The following POMGNT1 variants were observed in gnomAD, a reference collection of about 807,000 sequenced individuals.
The protein encoded by POMGNT1 is protein O-linked-mannose beta-1,2-N-acetylglucosaminyltransferase 1.
POMGNT1 carries 67 observed loss-of-function variants against 95.6 expected under a neutral mutation model. The ratio of observed to expected loss-of-function variants is 0.70; its 90% CI spans 0.58 to 0.86. POMGNT1 has a LOEUF of 0.86. Among genes scored for constraint, POMGNT1 ranks in the 40% least tolerant of loss-of-function variants. POMGNT1 has a pLI of 0.00. For missense variants in POMGNT1, 719 were observed against 855.2 expected, an observed-to-expected ratio of 0.84 and a Z score of 1.99; for synonymous variants, 298 against 317.9, an observed-to-expected ratio of 0.94 and a Z score of 0.66.
rs145638950 is a variant in POMGNT1 at position 46,219,917 on chromosome 1, G to A, written c.-263C>T. The A allele has an allele frequency of 8.1e-6, 13 of 1,614,182 alleles. No homozygotes were observed. In the East Asian group the frequency reaches 2.2e-4, roughly 28 times the overall value. Reference sequence around the variant, plus strand: ...CAGACACCAGCACCACCGACCGGCTGGACAGTGTCTCTATTGGCAGCTTCC... The same window carrying A: ...CAGACACCAGCACCACCGACCGGCTAGACAGTGTCTCTATTGGCAGCTTCC... On this transcript the variant is annotated 5_prime_UTR_variant, in exon 1 of 23. Coordinates refer to the POMGNT1 transcript ENST00000371992.
chr1:46,203,653 A>C, intron 1 of POMGNT1: 3 of 1,590,402 alleles, frequency 1.9e-6, no homozygotes, highest in Non-Finnish European at 8.5e-7. Context: ...GGCCAAGGGG[A>C]CGAGTCCCTA....
chr1:46,212,139 T>A (rs1371368050), intron 1 of POMGNT1, among the ~76,000 whole-genome samples: 1 of 152,204 alleles, frequency 6.6e-6, no homozygotes, highest in African/African-American at 2.4e-5. Context: ...CCTGAATAAT[T>A]CAATAAACAT....
At chr1:46,203,424 C>T (rs571957976), upstream of POMGNT1, 5 of 1,454,798 alleles carry the variant, frequency 3.4e-6, no homozygotes, top group Non-Finnish European at 4.5e-6. Flanking sequence ...GGCTTGGGCC[C>T]GCATGGAGGG....
rs1252094599 is a variant in POMGNT1, at chr1:46,198,348, C to CCGGGCCCCGCT, written c.-74_-64dup. ...CGGAGGCACTCACGGCTTAGGGGCC[C>CCGGGCCCCGCT]CGGGCCCCGCTCGGGCCCCGCTAGG... On this transcript the variant is annotated 5_prime_UTR_variant, in exon 1 of 22. Coordinates refer to ENST00000371984, the MANE Select transcript of POMGNT1 (RefSeq NM_017739.4). 5.2e-5 allele frequency: 8 copies of CCGGGCCCCGCT among 153,208 alleles called. No individual in the cohort carries two copies. The highest frequency in any genetic ancestry group is 3.6e-4 in the South Asian group (2 of 5,618). The allele number at this position is 153,208 out of a possible 1,614,324, so 9.5% of individuals were successfully genotyped here.
In POMGNT1 at chr1:46,196,700, G is replaced by A. The variant is rs777571362; in HGVS notation, c.354+31C>T. 3 of 1,613,944 alleles carry A rather than the reference G, an allele frequency of 1.9e-6. No individual in the cohort carries two copies. The highest frequency in any genetic ancestry group is 2.5e-6 in the Non-Finnish European group (3 of 1,180,034). On this transcript the variant is annotated intron_variant, in intron 4 of 21. Transcript: ENST00000371984. The surrounding 1 kb of genome is among the most constrained non-coding windows in gnomAD (Gnocchi z 4.4). The stretch of plus-strand genomic sequence containing the variant: ...TGGACCATGCCCTGAGCAGAATAGA[G>A]TGACTGTACACCAGACCCTGGCCCA...
chr1:46,194,775 C>A, intron 7 of POMGNT1, 69 bp downstream of exon 7: 1 of 1,613,434 alleles, frequency 6.2e-7, no homozygotes. Flanking sequence ...CCACCCCACC[C>A]CATCTCCTAG....
chr1:46,199,707 C>T (rs1351007555), upstream of POMGNT1, among the ~76,000 whole-genome samples: 1 of 152,122 alleles, frequency 6.6e-6, no homozygotes, highest in African/African-American at 2.4e-5. Flanking sequence ...AGCCAGAAGA[C>T]CAGTTAGATT....
At position 46,190,862 on chromosome 1, in the gene POMGNT1, A is replaced by G. The variant is rs1657711592; in HGVS notation, c.1540-78T>C. 8 of 1,344,958 alleles carry G rather than the reference A, an allele frequency of 5.9e-6. 1 individual carries two copies. Among genetic ancestry groups the G allele is most frequent in the South Asian group, 3.5e-5 (3 of 85,012 alleles). 83.3% of individuals were successfully genotyped at this position (1,344,958 alleles called of 1,614,324 possible). Reference sequence around the variant, plus strand: ...CCACTTGCTGACCAGCCAGACATCTATAAGACACACAAATGAAGTCCTAGA... The same window carrying G: ...CCACTTGCTGACCAGCCAGACATCTGTAAGACACACAAATGAAGTCCTAGA... On this transcript the variant is annotated intron_variant, in intron 17 of 21. Transcript: ENST00000371984.
At chr1:46,215,864 C>T (rs1433088533) in intron 1 of POMGNT1, among the ~76,000 whole-genome samples, 2 of 152,238 alleles carry the variant, frequency 1.3e-5, no homozygotes, top group East Asian at 1.9e-4. Context: ...GCCACCACTG[C>T]ACTCCAGCCT....
rs1220950048 is a variant in POMGNT1 at position 46,195,725 on chromosome 1, A to G, written c.534+86T>C. The G allele has an allele frequency of 5.1e-6, 6 of 1,169,024 alleles. No homozygotes were observed. The East Asian group carries it at 7.7e-5, about 15-fold the overall frequency. The allele number at this position is 1,169,024 out of a possible 1,614,324, so 72.4% of individuals were successfully genotyped here. ...CCTTCCTTCAGAGAATCTTCCCACT[A>G]TGTTATATGAGGGGCAGAGAAGCCG... On this transcript the variant is annotated intron_variant, in intron 6 of 21. Coordinates refer to ENST00000371984, the MANE Select transcript of POMGNT1 (RefSeq NM_017739.4).
intron 18 of POMGNT1, 35 bp downstream of exon 18, chr1:46,190,685 A>G (rs758346135): frequency 6.3e-7 from 1 of 1,586,006 alleles, no homozygotes; most frequent in Non-Finnish European, 8.7e-7. Flanking sequence ...CAAATCTCCT[A>G]GATATCCACC....
At chr1:46,197,477 C>A in intron 2 of POMGNT1, 1 of 1,485,020 alleles carries the variant, frequency 6.7e-7, no homozygotes, top group Non-Finnish European at 8.9e-7. Flanking sequence ...CCTGATCAGA[C>A]TTCAGGCTTC....
chr1:46,204,329 C>T (rs1351242213), intron 1 of POMGNT1, among the ~76,000 whole-genome samples: 1 of 152,164 alleles, frequency 6.6e-6, no homozygotes, highest in South Asian at 2.1e-4. Context: ...AACAGCAACC[C>T]TCCCCTTTCT....
At chr1:46,189,705 A>G in intron 20 of POMGNT1, 138 bp from the exon 21 acceptor site, 1 of 1,548,724 alleles carries the variant, frequency 6.5e-7, no homozygotes, top group Admixed American at 2.0e-5. Flanking sequence ...TAGAATATGA[A>G]TTTGGACAAG....
intron 1 of POMGNT1, among the ~76,000 whole-genome samples, chr1:46,207,060 C>T (rs1658739425): frequency 6.6e-6 from 1 of 151,984 alleles, no homozygotes; most frequent in South Asian, 2.1e-4. Flanking sequence ...TTCTCTCCAC[C>T]TCTTTGTCTG....
chr1:46,211,383 A>T (rs1490188433), intron 1 of POMGNT1, among the ~76,000 whole-genome samples: 3 of 151,920 alleles, frequency 2.0e-5, no homozygotes. Context: ...CAGCATTATA[A>T]CAAACACTGT....
At chr1:46,202,551 T>G (rs1464711546), upstream of POMGNT1, among the ~76,000 whole-genome samples, 2 of 151,560 alleles carry the variant, frequency 1.3e-5, no homozygotes, top group African/African-American at 4.9e-5. Context: ...AAATATTAGC[T>G]GGGCATGGTG....
chr1:46,193,928 G>A lies in POMGNT1; in HGVS notation c.880-3C>T, dbSNP rs1196267327. 9.3e-6 allele frequency: 15 copies of A among 1,614,144 alleles called. No individual in the cohort carries two copies. Among genetic ancestry groups the A allele is most frequent in the Non-Finnish European group, 1.3e-5 (15 of 1,180,006 alleles). On this transcript the variant is annotated splice_polypyrimidine_tract_variant and splice_region_variant and intron_variant, in intron 9 of 21. Coordinates refer to ENST00000371984, the MANE Select transcript of POMGNT1 (RefSeq NM_017739.4). ...TTGAGGACCTTGTTGTCTGGGAGCT[G>A]TGGGAGAAATAGCGTTTAGCTCTTG... is the stretch of plus-strand genomic sequence containing the variant.
chr1:46,199,026 C>G (rs374760580), upstream of POMGNT1, among the ~76,000 whole-genome samples: 6 of 152,294 alleles, frequency 3.9e-5, no homozygotes, highest in East Asian at 1.2e-3. Flanking sequence ...GCTGCAACCT[C>G]CGCCTTCTGG....
Sources: gnomAD v4.1 joint callset for allele counts (sites outside exome capture counted in the v4.1 genomes callset) on GRCh38, gnomAD v4.1.1 for gene constraint, Gnocchi (gnomAD v3.1) non-coding constraint, MANE v1.5 for transcripts, NCBI Gene and HGNC (gene_info 2026-07-23, HGNC 2026-07-21) for gene names.